The following ATPAF2 variants were observed in gnomAD, a reference collection of about 807,000 sequenced individuals.
ATPAF2 encodes the protein ATP12 homolog.
In ATPAF2, 30 loss-of-function variants were observed where a neutral mutation model predicts 36.6. The observed-to-expected ratio is 0.82, with a 90% CI of 0.61 to 1.11. ATPAF2 has a LOEUF of 1.11. ATPAF2 is among the 50% of genes most tolerant of loss of function. The pLI, the probability that ATPAF2 is intolerant of heterozygous loss-of-function variation, is 0.00. For synonymous variants in ATPAF2, 140 were observed against 152.6 expected (o/e 0.92, Z 0.61); for missense variants, 321 against 372.3 (o/e 0.86, Z 1.13).
intron 5 of ATPAF2, among the ~76,000 whole-genome samples, chr17:18,022,125 G>C (rs1253639470): frequency 1.3e-5 from 2 of 152,316 alleles, no homozygotes; most frequent in African/African-American, 2.4e-5. Flanking sequence ...GTTATACGCA[G>C]CTGCCTGAAA....
At chr17:18,017,208 A>G (rs964457022), downstream of ATPAF2, among the ~76,000 whole-genome samples, 7 of 131,700 alleles carry the variant, frequency 5.3e-5, no homozygotes, top group Admixed American at 4.9e-4. Context: ...AAAAAAAAAA[A>G]TGTTCATGTA....
intron 1 of ATPAF2, among the ~76,000 whole-genome samples, chr17:18,033,747 G>A (rs2044668836): frequency 6.6e-6 from 1 of 152,058 alleles, no homozygotes; most frequent in African/African-American, 2.4e-5. Context: ...TGTAATCCTA[G>A]GGCGGCTCTA....
intron 3 of ATPAF2, 151 bp downstream of exon 3, chr17:18,028,081 A>G: frequency 1.1e-6 from 1 of 883,932 alleles, no homozygotes; most frequent in Non-Finnish European, 1.9e-6. Context: ...GAAAGAGTTT[A>G]GCACGTTAGT....
intron 7 of ATPAF2, among the ~76,000 whole-genome samples, chr17:18,019,702 C>T (rs900790734): frequency 4.6e-5 from 7 of 152,236 alleles, no homozygotes; most frequent in East Asian, 1.9e-4. Flanking sequence ...CTGGCCTGGC[C>T]GCCCCAGCTC....
In ATPAF2 at chr17:18,026,315, T is replaced by A. The variant is rs748625909; in HGVS notation, c.422+4A>T. 2 of 1,612,532 alleles carry A rather than the reference T, an allele frequency of 1.2e-6. No individual in the cohort carries two copies. Among genetic ancestry groups the A allele is most frequent in the Non-Finnish European group, 8.5e-7 (1 of 1,178,486 alleles). ...AGGGGAATGCCCATCTAAATGTCCA[T>A]TACCAGATGGTGTCGGTGTCCAGAA... On this transcript the variant is annotated splice_donor_region_variant and intron_variant, in intron 4 of 7. Coordinates refer to ENST00000474627, the MANE Select transcript of ATPAF2 (RefSeq NM_145691.4).
intron 1 of ATPAF2, among the ~76,000 whole-genome samples, chr17:18,036,473 C>A (rs570337748): frequency 6.6e-6 from 1 of 151,108 alleles, no homozygotes; most frequent in Admixed American, 6.6e-5. Context: ...CTACTCGGGA[C>A]GCTGAGGCAG....
chr17:18,025,116 C>A (rs1045766478), intron 4 of ATPAF2: 3 of 325,630 alleles, frequency 9.2e-6, no homozygotes, highest in African/African-American at 6.5e-5. Flanking sequence ...GGGTCCACAC[C>A]CGCTTGACCC....
In ATPAF2 at chr17:18,020,982, G is replaced by A. The variant is rs535701334; in HGVS notation, c.732+141C>T. 2.1e-6 allele frequency: 3 copies of A among 1,455,610 alleles called. No homozygotes were observed. The East Asian group carries it at 7.6e-5, about 37-fold the overall frequency. 90.2% of individuals were successfully genotyped at this position (1,455,610 alleles called of 1,614,324 possible). Reference sequence around the variant, plus strand: ...GGCCTACTTGACAATACTTCTGCTGGTCCTTGATTTTGATTTCTGCGTGTA... The same window carrying A: ...GGCCTACTTGACAATACTTCTGCTGATCCTTGATTTTGATTTCTGCGTGTA... On this transcript the variant is annotated intron_variant, in intron 7 of 7. Coordinates refer to ENST00000474627, the MANE Select transcript of ATPAF2 (RefSeq NM_145691.4).
intron 6 of ATPAF2, 165 bp downstream of exon 6, chr17:18,021,580 G>A (rs529197162): frequency 4.1e-5 from 30 of 722,906 alleles, no homozygotes; most frequent in African/African-American, 3.5e-5. Flanking sequence ...AGCCTAGAGC[G>A]TAGAGTGATT....
At chr17:18,029,931 A>T (rs1177992098) in intron 1 of ATPAF2, among the ~76,000 whole-genome samples, 1 of 150,636 alleles carries the variant, frequency 6.6e-6, no homozygotes, top group Non-Finnish European at 1.5e-5. Flanking sequence ...TCATGCCTAT[A>T]ATCCTAGCAC....
At chr17:18,036,843 G>A (rs1047005202) in intron 1 of ATPAF2, among the ~76,000 whole-genome samples, 4 of 151,922 alleles carry the variant, frequency 2.6e-5, no homozygotes, top group East Asian at 1.9e-4. Flanking sequence ...AGGCTGAGGC[G>A]GGAGGATCAC....
At chr17:18,023,357 G>A (rs1459899991) in intron 5 of ATPAF2, among the ~76,000 whole-genome samples, 1 of 152,002 alleles carries the variant, frequency 6.6e-6, no homozygotes, top group Non-Finnish European at 1.5e-5. Flanking sequence ...AAACCCAAGA[G>A]GTGGAGGTTA....
In ATPAF2 at chr17:18,019,147, CCACA is replaced by C. The variant is rs138932269; in HGVS notation, c.733-465_733-462del. ...AGAGCAAGACCCTGTCTCAAAAACA[CCACA>C]CACACACACACACACACACACACAC... is the stretch of plus-strand genomic sequence containing the variant. On this transcript the variant is annotated intron_variant, in intron 7 of 7. Transcript: ENST00000474627. Among the ~76,000 whole-genome samples the C allele has an allele frequency of 3.1e-3, 414 of 135,654 alleles. 4 individuals are homozygous for C. The highest frequency in any genetic ancestry group is 9.6e-3 in the African/African-American group (334 of 34,680). 89.0% of individuals were successfully genotyped at this position (135,654 alleles called of 152,430 possible).
intron 5 of ATPAF2, among the ~76,000 whole-genome samples, chr17:18,023,161 G>A (rs1386977082): frequency 7.0e-6 from 1 of 142,636 alleles, no homozygotes; most frequent in Non-Finnish European, 1.5e-5. Flanking sequence ...GCTGGGTGCA[G>A]TGGCTCACAC....
downstream of ATPAF2, chr17:18,016,499 G>A (rs549161977): frequency 2.4e-6 from 3 of 1,261,246 alleles, no homozygotes; most frequent in East Asian, 4.7e-5. Flanking sequence ...ACTGGATTCA[G>A]TGAAAGATAT....
At chr17:18,032,828 T>C (rs1251523411) in intron 1 of ATPAF2, among the ~76,000 whole-genome samples, 2 of 151,838 alleles carry the variant, frequency 1.3e-5, no homozygotes, top group East Asian at 3.9e-4. Flanking sequence ...AACTTTCTGA[T>C]TGATTCAATT....
chr17:18,024,999 G>C (rs1568570921), intron 4 of ATPAF2: 2 of 441,580 alleles, frequency 4.5e-6, no homozygotes, highest in African/African-American at 2.0e-5. Context: ...GTGTAAGCTT[G>C]AGTTTGAGAA....
chr17:18,019,185 A>C (rs866709595), intron 7 of ATPAF2, among the ~76,000 whole-genome samples: 11 of 146,356 alleles, frequency 7.5e-5, no homozygotes, highest in East Asian at 4.0e-4. Flanking sequence ...ACACACACAC[A>C]CCCCACCACC....
chr17:18,022,902 G>T (rs2044490993), intron 5 of ATPAF2, among the ~76,000 whole-genome samples: 1 of 151,912 alleles, frequency 6.6e-6, no homozygotes, highest in South Asian at 2.1e-4. Context: ...GAGGCGGGCG[G>T]ATCACGAGGT....
Sources: gnomAD v4.1 joint callset for allele counts (sites outside exome capture counted in the v4.1 genomes callset) on GRCh38, gnomAD v4.1.1 for gene constraint, MANE v1.5 for transcripts, NCBI Gene and HGNC (gene_info 2026-07-23, HGNC 2026-07-21) for gene names.